The following ANKRD66 variants were observed in gnomAD, a reference collection of about 807,000 sequenced individuals.
ANKRD66 encodes ankyrin repeat domain 66.
A neutral mutation model predicts 10.9 loss-of-function variants in ANKRD66; 10 were observed. The observed-to-expected ratio is 0.91, with a 90% CI of 0.56 to 1.55. The LOEUF (loss-of-function observed/expected upper bound fraction) is 1.55. Ranked by LOEUF, ANKRD66 falls within the 40% of genes most tolerant of loss-of-function variation. The pLI is 0.00. For missense variants in ANKRD66, 252 were observed against 242.9 expected, an observed-to-expected ratio of 1.04 and a Z score of -0.25; for synonymous variants, 85 against 88.4, an observed-to-expected ratio of 0.96 and a Z score of 0.22.
chr6:46,751,705 A>T (rs1280011033), intron 2 of ANKRD66, among the ~76,000 whole-genome samples: 1 of 152,202 alleles, frequency 6.6e-6, no homozygotes, highest in Non-Finnish European at 1.5e-5. Flanking sequence ...CCGTGAGTTT[A>T]GACATAATTC....
At chr6:46,748,290 G>T (rs917625055) in intron 1 of ANKRD66, among the ~76,000 whole-genome samples, 1 of 152,028 alleles carries the variant, frequency 6.6e-6, no homozygotes, top group Non-Finnish European at 1.5e-5. Flanking sequence ...CATTTCTCTG[G>T]AAATAAATTT....
chr6:46,752,139 G>T (rs752333021), intron 3 of ANKRD66, 28 bp downstream of exon 3: 59 of 1,422,104 alleles, frequency 4.1e-5, no homozygotes, highest in Non-Finnish European at 1.8e-5. Context: ...AGGTAGATCT[G>T]CCCTTTTGAG....
Position 46,753,958 on chromosome 6 carries a change from TA to T in ANKRD66, c.392+9del. ...TGTGGCATTTCTGGAAAAGTAAGTT[TA>T]TTTTTTTTCCACCTATAGAAGGAGC... On this transcript the variant is annotated intron_variant, in intron 4 of 4. Transcript: ENST00000565422. 6.5e-7 allele frequency: 1 copy of T among 1,549,528 alleles called. No individual in the cohort carries two copies. Among genetic ancestry groups the T allele is most frequent in the Non-Finnish European group, 8.7e-7 (1 of 1,145,534 alleles).
chr6:46,758,658 G>C (rs1183525082), intron 4 of ANKRD66, 65 bp from the exon 5 acceptor site: 1 of 1,436,552 alleles, frequency 7.0e-7, no homozygotes, highest in South Asian at 1.5e-5. Context: ...GTGAATAAAG[G>C]CCGATTCCCA....
At chr6:46,753,284 C>A (rs1288164968) in intron 3 of ANKRD66, among the ~76,000 whole-genome samples, 1 of 152,220 alleles carries the variant, frequency 6.6e-6, no homozygotes, top group Non-Finnish European at 1.5e-5. Context: ...CATCTATCAA[C>A]TAGAAAGCCT....
At chr6:46,752,658 C>A (rs1308342873) in intron 3 of ANKRD66, among the ~76,000 whole-genome samples, 2 of 152,182 alleles carry the variant, frequency 1.3e-5, no homozygotes, top group Non-Finnish European at 1.5e-5. Context: ...CACCTTGGAG[C>A]CCTGTGATGG....
chr6:46,753,357 T>A (rs1386318177), intron 3 of ANKRD66, among the ~76,000 whole-genome samples: 1 of 152,146 alleles, frequency 6.6e-6, no homozygotes, highest in Admixed American at 6.5e-5. Context: ...TTTGGCTCAG[T>A]GTTGAGACTG....
intron 1 of ANKRD66, among the ~76,000 whole-genome samples, chr6:46,747,944 T>A (rs1203383903): frequency 6.6e-6 from 1 of 152,108 alleles, no homozygotes; most frequent in Admixed American, 6.5e-5. Context: ...AAAACCCTTA[T>A]ATTTATGTTC....
intron 2 of ANKRD66, 130 bp from the exon 3 acceptor site, chr6:46,751,807 A>T (rs1766274826): frequency 1.1e-6 from 1 of 941,186 alleles, no homozygotes; most frequent in African/African-American, 1.7e-5. Flanking sequence ...CTCATGCCAC[A>T]CACATGAGGC....
Position 46,753,722 on chromosome 6 carries a change from G to A in ANKRD66, c.164G>A (p.Gly55Glu). 6.5e-7 allele frequency: 1 copy of A among 1,546,030 alleles called. No homozygotes were observed. Among genetic ancestry groups the A allele is most frequent in the Non-Finnish European group, 8.7e-7 (1 of 1,144,250 alleles). The change falls in exon 4 of 5, where the codon GGG (glycine) becomes GAG (glutamate). Residue 55 changes from glycine to glutamate, a missense_variant and splice_region_variant. Physicochemically the swap from Gly to Glu is moderately conservative, Grantham distance 98. Coordinates refer to ENST00000565422, the MANE Select transcript of ANKRD66 (RefSeq NM_001162435.3). ...RTPLHWAAIKGQMEVIRLLIE... is the reference protein window; with the variant it reads ...RTPLHWAAIKEQMEVIRLLIE... ...CCTGTTTCTTTTTGGTACATCTAAGGGCAAATGGAGGTGATACGGCTCCTG... is the reference window on the plus strand; with the variant it reads ...CCTGTTTCTTTTTGGTACATCTAAGAGCAAATGGAGGTGATACGGCTCCTG...
chr6:46,749,937 C>A lies in ANKRD66; in HGVS notation c.-55C>A, dbSNP rs1337704538. ...CAATGCACTCACCTGGAGGGCTTAC[C>A]ACAACAAAGATGGCCGGACCCCTGC... On this transcript the variant is annotated 5_prime_UTR_variant, in exon 2 of 5. Transcript: ENST00000565422. 1 of 1,546,926 alleles carries A rather than the reference C, an allele frequency of 6.5e-7. No individual in the cohort carries two copies. Among genetic ancestry groups the A allele is most frequent in the Non-Finnish European group, 8.8e-7 (1 of 1,142,820 alleles).
Position 46,746,934 on chromosome 6 carries a change from C to T in ANKRD66, c.-153C>T. 1.3e-6 allele frequency: 2 copies of T among 1,535,540 alleles called. No individual in the cohort carries two copies. The highest frequency in any genetic ancestry group is 1.7e-6 in the Non-Finnish European group (2 of 1,146,826). ...CAGTTTCCATGGCATGGACACAACA[C>T]TCCGGATGGTTAGGACTGCCTGTCA... On this transcript the variant is annotated 5_prime_UTR_variant, in exon 1 of 5. Coordinates refer to ENST00000565422, the MANE Select transcript of ANKRD66 (RefSeq NM_001162435.3).
At chr6:46,754,699 AG>A (rs1766347074) in intron 4 of ANKRD66, among the ~76,000 whole-genome samples, 1 of 152,224 alleles carries the variant, frequency 6.6e-6, no homozygotes, top group African/African-American at 2.4e-5. Context: ...CTGAAAATGC[AG>A]TTATCTTCAG....
At chr6:46,749,585 T>A (rs1244123409) in intron 1 of ANKRD66, among the ~76,000 whole-genome samples, 1 of 124,622 alleles carries the variant, frequency 8.0e-6, no homozygotes, top group African/African-American at 3.1e-5. Flanking sequence ...TCTTTTCCTC[T>A]TGGCATAAAA....
In ANKRD66 at chr6:46,753,751, G is replaced by GT; in HGVS notation, c.193_194insT (p.Glu65ValfsTer11). On this transcript the variant is annotated frameshift_variant, in exon 4 of 5. Transcript: ENST00000565422. LOFTEE classifies it high-confidence loss of function. ...AATGGAGGTGATACGGCTCCTGATA[G>GT]AATATGGAGCCAGGCCCTGCCTGGT... 1.3e-6 allele frequency: 2 copies of GT among 1,551,184 alleles called. No individual in the cohort carries two copies. The highest frequency in any genetic ancestry group is 1.7e-6 in the Non-Finnish European group (2 of 1,146,768).
In ANKRD66 at chr6:46,757,725, G is replaced by C. The variant is rs530898161; in HGVS notation, c.393-998G>C. ...CTAGGGAATGTTGTGAAACAATTCA[G>C]CTTTTGATTCAGCCCCCCAAGTGAT... On this transcript the variant is annotated intron_variant, in intron 4 of 4. Coordinates refer to ENST00000565422, the MANE Select transcript of ANKRD66 (RefSeq NM_001162435.3). 5.9e-5 allele frequency: 9 copies of C among 152,308 alleles called. No homozygotes were observed. In the South Asian group the frequency reaches 8.3e-4, roughly 14 times the overall value. The allele number at this position is 152,308 out of a possible 1,614,324, so 9.4% of individuals were successfully genotyped here. A position where few individuals can be genotyped will look rare whatever the true frequency, so the allele number is the denominator to read the frequency against.
At chr6:46,755,457 G>A (rs1471105091) in intron 4 of ANKRD66, among the ~76,000 whole-genome samples, 2 of 152,000 alleles carry the variant, frequency 1.3e-5, no homozygotes, top group East Asian at 3.9e-4. Context: ...GAAGCCATGG[G>A]TTACACATTT....
chr6:46,755,899 T>G (rs1235905004), intron 4 of ANKRD66, among the ~76,000 whole-genome samples: 1 of 152,234 alleles, frequency 6.6e-6, no homozygotes, highest in Admixed American at 6.5e-5. Flanking sequence ...AATAGTTTTC[T>G]GTATTTTTAT....
chr6:46,755,676 C>CT (rs1362716626), intron 4 of ANKRD66, among the ~76,000 whole-genome samples: 1 of 152,042 alleles, frequency 6.6e-6, no homozygotes, highest in East Asian at 1.9e-4. Context: ...CCCTTGACTT[C>CT]TTTTTGGACT....
Sources: allele counts gnomAD v4.1 joint callset (sites outside exome capture counted in the v4.1 genomes callset), GRCh38; gene constraint gnomAD v4.1.1; transcripts MANE v1.5; gene names NCBI Gene and HGNC (gene_info 2026-07-23, HGNC 2026-07-21).